Variants in UNC13C observed in about 807,000 individuals in gnomAD.
UNC13C encodes the protein protein unc-13 homolog C.
Under a neutral mutation model 245.4 loss-of-function variants are expected in UNC13C, and 174 were observed. The observed-to-expected ratio is 0.71, with a 90% CI of 0.63 to 0.80. UNC13C has a LOEUF of 0.80. Among genes scored for constraint, UNC13C ranks in the 30% least tolerant of loss-of-function variants. The probability of loss-of-function intolerance (pLI) is 0.00; values close to 1 mark genes in which losing one functional copy is unlikely to be tolerated. For synonymous variants in UNC13C, 992 were observed against 895.1 expected (o/e 1.11, Z -1.93); for missense variants, 2,829 against 2,602.9 (o/e 1.09, Z -1.89).
intron 30 of UNC13C, among the ~76,000 whole-genome samples, chr15:54,581,126 T>A (rs772655865): frequency 2.0e-5 from 3 of 152,152 alleles, no homozygotes; most frequent in Non-Finnish European, 4.4e-5. Context: ...GAGTAGAGGC[T>A]TTCAGAAGGG....
At chr15:54,224,371 G>A (rs764788531) in intron 4 of UNC13C, among the ~76,000 whole-genome samples, 12 of 151,964 alleles carry the variant, frequency 7.9e-5, no homozygotes, top group African/African-American at 2.4e-4. Flanking sequence ...ATGCTTTTTC[G>A]ATATCAGTTG....
At chr15:54,223,469 G>A (rs1224564018) in intron 4 of UNC13C, among the ~76,000 whole-genome samples, 3 of 152,052 alleles carry the variant, frequency 2.0e-5, no homozygotes, top group Non-Finnish European at 4.4e-5. Flanking sequence ...TTTTAGGCCA[G>A]TGCCATGCTA....
At chr15:53,958,571 A>T in the UNC13C span, among the ~76,000 whole-genome samples, 2 of 152,144 alleles carry the variant, frequency 1.3e-5, no homozygotes, top group African/African-American at 4.8e-5. Flanking sequence ...CCATCTTTTG[A>T]TAGTGGAATT....
At chr15:53,928,182 A>C in the UNC13C span, among the ~76,000 whole-genome samples, 1 of 152,166 alleles carries the variant, frequency 6.6e-6, no homozygotes, top group Middle Eastern at 3.2e-3. Context: ...CAGAGCTGAG[A>C]GCCCCGAACA....
rs1162373624 is a variant in UNC13C at position 54,475,627 on chromosome 15, G to C, written c.4934-18981G>C. 2.0e-5 allele frequency among the ~76,000 whole-genome samples: 3 copies of C among 151,012 alleles called. No individual in the cohort carries two copies. The South Asian group carries it at 6.3e-4, about 32-fold the overall frequency. ...CCAATTTCATCCATGTCCCTACAAA[G>C]GACATGAACTCATCATTTTTTATGG... On this transcript the variant is annotated intron_variant, in intron 19 of 32. Coordinates refer to ENST00000260323, the MANE Select transcript of UNC13C (RefSeq NM_001080534.3).
intron 19 of UNC13C, among the ~76,000 whole-genome samples, chr15:54,485,228 G>A (rs12442847): frequency 0.45 from 67,808 of 152,006 alleles, 15,428 homozygotes; most frequent in East Asian, 0.71. Context: ...AATGGAAATG[G>A]CAAAGAAACT....
chr15:54,518,171 T>C (rs1024621130), intron 24 of UNC13C, among the ~76,000 whole-genome samples: 1 of 152,170 alleles, frequency 6.6e-6, no homozygotes, highest in Non-Finnish European at 1.5e-5. Context: ...GCAAATTATA[T>C]TAAAGTGATT....
At chr15:54,410,540 TA>T (rs2040395880) in intron 18 of UNC13C, among the ~76,000 whole-genome samples, 1 of 152,124 alleles carries the variant, frequency 6.6e-6, no homozygotes, top group Non-Finnish European at 1.5e-5. Context: ...TTGATTTTTG[TA>T]TATGGTGAAA....
chr15:53,959,010 C>T, the UNC13C span, among the ~76,000 whole-genome samples: 3 of 152,152 alleles, frequency 2.0e-5, no homozygotes, highest in East Asian at 3.9e-4. Context: ...ATGAGAGCAA[C>T]ATTTTTAGCT....
chr15:54,114,395 A>G (rs1195404747), intron 2 of UNC13C, among the ~76,000 whole-genome samples: 2 of 152,146 alleles, frequency 1.3e-5, no homozygotes, highest in African/African-American at 4.8e-5. Flanking sequence ...TTATTTTACT[A>G]TTCATAAATA....
chr15:54,430,047 C>T (rs549082492), intron 19 of UNC13C, among the ~76,000 whole-genome samples: 73 of 151,624 alleles, frequency 4.8e-4, no homozygotes, highest in Middle Eastern at 6.8e-3. Context: ...GTATAACTAT[C>T]GCTTATTTTT....
At chr15:54,342,041 C>T (rs936946037) in intron 17 of UNC13C, among the ~76,000 whole-genome samples, 7 of 150,782 alleles carry the variant, frequency 4.6e-5, no homozygotes, top group Admixed American at 2.0e-4. Context: ...CTTTTTTGTC[C>T]ATTGGAGATG....
chr15:54,616,716 C>T (rs945842679), intron 30 of UNC13C, among the ~76,000 whole-genome samples: 11 of 151,974 alleles, frequency 7.2e-5, no homozygotes, highest in African/African-American at 2.7e-4. Context: ...TAAAAGGTTA[C>T]AGAAAGTTTA....
chr15:54,008,585 G>A (rs1227905675), intron 1 of UNC13C, among the ~76,000 whole-genome samples: 2 of 152,188 alleles, frequency 1.3e-5, no homozygotes, highest in Non-Finnish European at 2.9e-5. Context: ...AATATCTAGA[G>A]AGTAAGTTGG....
chr15:54,425,295 G>C (rs1465394908), intron 19 of UNC13C, among the ~76,000 whole-genome samples: 1 of 151,668 alleles, frequency 6.6e-6, no homozygotes, highest in Non-Finnish European at 1.5e-5. Flanking sequence ...AAATACGAAA[G>C]CAGTAAGTAA....
chr15:54,514,727 C>A (rs959686885), intron 24 of UNC13C, among the ~76,000 whole-genome samples: 3 of 152,096 alleles, frequency 2.0e-5, no homozygotes, highest in African/African-American at 7.2e-5. Flanking sequence ...AGCCTCTTTT[C>A]CCCCTGGAAA....
chr15:54,413,125 C>G (rs778609453), intron 18 of UNC13C, among the ~76,000 whole-genome samples: 1 of 151,906 alleles, frequency 6.6e-6, no homozygotes, highest in South Asian at 2.1e-4. Flanking sequence ...ATAAACCTCT[C>G]GATCATAATG....
At chr15:54,028,684 C>CTT (rs58264883) in intron 2 of UNC13C, among the ~76,000 whole-genome samples, 13,928 of 86,212 alleles carry the variant, frequency 0.16, 2,561 homozygotes, top group African/African-American at 0.34. Context: ...GCCTACAAGT[C>CTT]TTTTTTTTTT....
intron 30 of UNC13C, among the ~76,000 whole-genome samples, chr15:54,576,752 G>A (rs1284959506): frequency 6.6e-6 from 1 of 152,086 alleles, no homozygotes; most frequent in Non-Finnish European, 1.5e-5. Context: ...GATTCATCTT[G>A]TGACAGTTCC....
Sources: gnomAD v4.1 joint callset for allele counts (sites outside exome capture counted in the v4.1 genomes callset) on GRCh38, gnomAD v4.1.1 for gene constraint, MANE v1.5 for transcripts, NCBI Gene and HGNC (gene_info 2026-07-23, HGNC 2026-07-21) for gene names.